Variants in TYW1 observed in about 807,000 individuals in gnomAD.
TYW1 encodes tRNA-yW synthesizing protein 1 homolog, also known as S-adenosyl-L-methionine-dependent tRNA 4-demethylwyosine synthase TYW1.
Under a neutral mutation model 96.2 loss-of-function variants are expected in TYW1, and 46 were observed. The ratio of observed to expected loss-of-function variants is 0.48; its 90% CI spans 0.38 to 0.61. The LOEUF (loss-of-function observed/expected upper bound fraction) is 0.61. TYW1 is among the 20% of genes least tolerant of loss of function. The pLI, the probability that TYW1 is intolerant of heterozygous loss-of-function variation, is 0.00. For missense variants in TYW1, 684 were observed against 909.6 expected (o/e 0.75, Z 3.19); for synonymous variants, 274 against 323.0 (o/e 0.85, Z 1.63).
chr7:67,139,604 T>C (rs1026607145), intron 13 of TYW1, among the ~76,000 whole-genome samples: 1 of 152,118 alleles, frequency 6.6e-6, no homozygotes, highest in Admixed American at 6.5e-5. Context: ...GTTGGCCTTC[T>C]CTATTCAAGG....
intron 13 of TYW1, among the ~76,000 whole-genome samples, chr7:67,181,740 C>T (rs1799849907): frequency 6.6e-6 from 1 of 152,128 alleles, no homozygotes; most frequent in African/African-American, 2.4e-5. Context: ...CATCCCATCA[C>T]CTTTGCCATA....
intron 7 of TYW1, among the ~76,000 whole-genome samples, chr7:67,046,827 ATGAC>A (rs1400992954): frequency 6.6e-6 from 1 of 152,202 alleles, no homozygotes; most frequent in Non-Finnish European, 1.5e-5. Flanking sequence ...CATTGCCCTT[ATGAC>A]TGACTCTGGG....
intron 7 of TYW1, among the ~76,000 whole-genome samples, chr7:67,033,703 T>A (rs1362924310): frequency 6.6e-6 from 1 of 151,894 alleles, no homozygotes; most frequent in Non-Finnish European, 1.5e-5. Context: ...GGACCCTTTT[T>A]TTTTTTTTTT....
intron 15 of TYW1, among the ~76,000 whole-genome samples, chr7:67,220,184 G>A (rs1801339463): frequency 7.3e-6 from 1 of 136,918 alleles, no homozygotes; most frequent in Non-Finnish European, 1.6e-5. Context: ...GAATTTTTTA[G>A]TTTCATTCAT....
At chr7:67,084,998 C>T (rs927972819) in intron 11 of TYW1, among the ~76,000 whole-genome samples, 1 of 152,190 alleles carries the variant, frequency 6.6e-6, no homozygotes, top group Non-Finnish European at 1.5e-5. Flanking sequence ...TTCCTTCTCT[C>T]CTGTATTCTT....
intron 13 of TYW1, among the ~76,000 whole-genome samples, chr7:67,165,734 C>A (rs1799300996): frequency 6.6e-6 from 1 of 152,064 alleles, no homozygotes; most frequent in African/African-American, 2.4e-5. Context: ...TTGAGACCAG[C>A]CTGGGCAACA....
intron 13 of TYW1, among the ~76,000 whole-genome samples, chr7:67,122,126 G>A (rs993278614): frequency 6.6e-6 from 1 of 151,986 alleles, no homozygotes; most frequent in Non-Finnish European, 1.5e-5. Context: ...AGATCCAGTA[G>A]TAAACTGAAC....
chr7:67,166,319 A>AT (rs1442369303), intron 13 of TYW1, among the ~76,000 whole-genome samples: 5 of 141,530 alleles, frequency 3.5e-5, no homozygotes, highest in Non-Finnish European at 6.1e-5. Context: ...TATATATAAT[A>AT]TATAACATAT....
At chr7:67,114,415 G>C (rs1221018448) in intron 12 of TYW1, 1 of 153,192 alleles carries the variant, frequency 6.5e-6, no homozygotes, top group South Asian at 2.1e-4. Context: ...ATGGGAGAGG[G>C]ATTTTTATGT....
Position 66,998,776 on chromosome 7 carries a change from A to G in TYW1, c.136-41A>G, listed in dbSNP as rs768409965. ...TCATCCCTGCTGAAGTTGGGAAACG[A>G]TTTAGACTTGATGGATTTTGTGTAA... On this transcript the variant is annotated intron_variant, in intron 2 of 15. Transcript: ENST00000359626. 7.5e-6 allele frequency: 12 copies of G among 1,610,736 alleles called. No individual in the cohort carries two copies. In the South Asian group the frequency reaches 1.3e-4, roughly 18 times the overall value.
intron 13 of TYW1, among the ~76,000 whole-genome samples, chr7:67,131,863 C>T (rs757948124): frequency 5.9e-5 from 9 of 152,190 alleles, no homozygotes; most frequent in Non-Finnish European, 1.3e-4. Flanking sequence ...GTTTGATGTT[C>T]GAGGGCAGGA....
chr7:67,183,879 G>A (rs1799919109), intron 14 of TYW1, among the ~76,000 whole-genome samples: 1 of 151,862 alleles, frequency 6.6e-6, no homozygotes, highest in African/African-American at 2.4e-5. Context: ...CCAGGTTGGA[G>A]TGCAGTGCTG....
chr7:67,227,568 T>C (rs1360302267), intron 15 of TYW1, among the ~76,000 whole-genome samples: 1 of 151,984 alleles, frequency 6.6e-6, no homozygotes, highest in Non-Finnish European at 1.5e-5. Flanking sequence ...CCACACCAGA[T>C]ATTCTCTGCC....
At chr7:67,107,335 C>T (rs182164490) in intron 12 of TYW1, among the ~76,000 whole-genome samples, 76 of 152,324 alleles carry the variant, frequency 5.0e-4, no homozygotes, top group African/African-American at 1.4e-3. Flanking sequence ...CCCCGACCCC[C>T]AGCCTATCTT....
At chr7:67,090,043 ACAT>A (rs1352054995) in intron 11 of TYW1, among the ~76,000 whole-genome samples, 1 of 152,230 alleles carries the variant, frequency 6.6e-6, no homozygotes, top group Non-Finnish European at 1.5e-5. Flanking sequence ...GATGAAAAAG[ACAT>A]CATTTATTGC....
At chr7:67,071,215 T>A (rs547992163) in intron 10 of TYW1, among the ~76,000 whole-genome samples, 38 of 152,130 alleles carry the variant, frequency 2.5e-4, no homozygotes, top group Non-Finnish European at 4.4e-4. Context: ...CAGGGTTTGT[T>A]TTTTATTGCT....
At chr7:67,218,802 G>A (rs1159039039) in intron 15 of TYW1, among the ~76,000 whole-genome samples, 2 of 152,004 alleles carry the variant, frequency 1.3e-5, no homozygotes, top group Non-Finnish European at 2.9e-5. Context: ...CAGTTTTTTG[G>A]TTGAATCTTT....
intron 13 of TYW1, among the ~76,000 whole-genome samples, chr7:67,168,438 A>G (rs1799417608): frequency 2.0e-5 from 3 of 152,194 alleles, no homozygotes; most frequent in Admixed American, 6.5e-5. Context: ...AGTAAGGAGA[A>G]TAGGCCCTCT....
At chr7:67,225,487 A>T (rs1363522916) in intron 15 of TYW1, among the ~76,000 whole-genome samples, 2 of 152,106 alleles carry the variant, frequency 1.3e-5, no homozygotes, top group Non-Finnish European at 2.9e-5. Context: ...GAGATAATAA[A>T]ACTTGTAGTC....
Sources: gnomAD v4.1 joint callset for allele counts (sites outside exome capture counted in the v4.1 genomes callset) on GRCh38, gnomAD v4.1.1 for gene constraint, MANE v1.5 for transcripts, NCBI Gene and HGNC (gene_info 2026-07-23, HGNC 2026-07-21) for gene names.